Variants in DNAJC11 observed in about 807,000 individuals in gnomAD.
DNAJC11 encodes the protein dnaJ homolog subfamily C member 11.
In DNAJC11, 15 loss-of-function variants were observed where a neutral mutation model predicts 78.6. That is an observed-to-expected ratio of 0.19 (90% CI 0.13 to 0.29). The LOEUF is 0.29. Among genes scored for constraint, DNAJC11 ranks in the 10% least tolerant of loss-of-function variants. DNAJC11 has a pLI of 1.00. For synonymous variants in DNAJC11, 292 were observed against 272.1 expected (o/e 1.07, Z -0.72); for missense variants, 547 against 709.6 (o/e 0.77, Z 2.60).
At chr1:6,667,970 G>A (rs555270167) in intron 3 of DNAJC11, among the ~76,000 whole-genome samples, 160 bp from the exon 4 acceptor site, 2 of 152,330 alleles carry the variant, frequency 1.3e-5, no homozygotes, top group African/African-American at 4.8e-5. Context: ...TCCACCATCC[G>A]ATGGCTCAGG....
At chr1:6,661,258 C>A (rs962715406) in intron 4 of DNAJC11, among the ~76,000 whole-genome samples, 1 of 152,176 alleles carries the variant, frequency 6.6e-6, no homozygotes, top group Non-Finnish European at 1.5e-5. Flanking sequence ...AGAGGTGATA[C>A]GAGGCAATGT....
intron 14 of DNAJC11, among the ~76,000 whole-genome samples, chr1:6,636,633 C>T (rs895175690): frequency 1.3e-4 from 20 of 152,224 alleles, no homozygotes; most frequent in African/African-American, 4.8e-4. Flanking sequence ...TGAAGGCAGG[C>T]GTGTGTTCTG....
chr1:6,649,068 T>C (rs962846714), intron 7 of DNAJC11, among the ~76,000 whole-genome samples: 5 of 151,802 alleles, frequency 3.3e-5, no homozygotes, highest in South Asian at 2.1e-4. Context: ...TCTCAGCTCA[T>C]TGCAGCCTCA....
intron 1 of DNAJC11, among the ~76,000 whole-genome samples, chr1:6,694,284 C>T (rs540870788): frequency 7.2e-5 from 11 of 152,168 alleles, no homozygotes; most frequent in Non-Finnish European, 1.5e-4. Context: ...CAGCTAACTA[C>T]GTGCTCCAAG....
intron 3 of DNAJC11, among the ~76,000 whole-genome samples, chr1:6,675,357 AAAT>A (rs1239457042): frequency 6.6e-6 from 1 of 151,300 alleles, no homozygotes; most frequent in South Asian, 2.1e-4. Context: ...AAAAATACGA[AAAT>A]AATGTTTAAC....
intron 6 of DNAJC11, among the ~76,000 whole-genome samples, chr1:6,652,602 G>A (rs961803305): frequency 6.6e-6 from 1 of 152,106 alleles, no homozygotes; most frequent in South Asian, 2.1e-4. Flanking sequence ...ACCATGCCCA[G>A]CTAAGTTTTG....
intron 10 of DNAJC11, among the ~76,000 whole-genome samples, chr1:6,644,243 C>T (rs930994439): frequency 1.3e-5 from 2 of 152,196 alleles, no homozygotes; most frequent in Non-Finnish European, 2.9e-5. Flanking sequence ...AAGCAATTCT[C>T]CTGCCTCGGC....
Position 6,648,184 on chromosome 1 carries a change from T to C in DNAJC11, c.705-2206A>G, listed in dbSNP as rs528135753. 2.6e-5 allele frequency among the ~76,000 whole-genome samples: 4 copies of C among 152,170 alleles called. No homozygotes were observed. The South Asian group carries it at 8.3e-4, about 32-fold the overall frequency. On this transcript the variant is annotated intron_variant, in intron 7 of 15. Coordinates refer to ENST00000377577, the MANE Select transcript of DNAJC11 (RefSeq NM_018198.4). ...TTTTTCTTTTTTTTGAGACAGAGTCTCGGCTCTGTCGCCCAGGCTGGAGTG... is the reference window on the plus strand; with the variant it reads ...TTTTTCTTTTTTTTGAGACAGAGTCCCGGCTCTGTCGCCCAGGCTGGAGTG...
At chr1:6,693,926 A>C (rs1409879028) in intron 1 of DNAJC11, among the ~76,000 whole-genome samples, 2 of 135,076 alleles carry the variant, frequency 1.5e-5, no homozygotes, top group East Asian at 2.2e-4. Context: ...GGCAACCTCC[A>C]CCTCCCAGCA....
intron 7 of DNAJC11, among the ~76,000 whole-genome samples, chr1:6,650,203 C>A (rs565129265): frequency 6.6e-6 from 1 of 152,062 alleles, no homozygotes; most frequent in South Asian, 2.1e-4. Flanking sequence ...GTTGAGGGTG[C>A]AGTGAGCCAA....
chr1:6,695,295 A>G (rs1037773133), intron 1 of DNAJC11, among the ~76,000 whole-genome samples: 1 of 151,870 alleles, frequency 6.6e-6, no homozygotes, highest in African/African-American at 2.4e-5. Flanking sequence ...GCCACCCCCC[A>G]ATCCTTATGT....
intron 4 of DNAJC11, among the ~76,000 whole-genome samples, chr1:6,662,296 T>G (rs986821106): frequency 6.6e-6 from 1 of 151,928 alleles, no homozygotes; most frequent in Admixed American, 6.6e-5. Flanking sequence ...CAGGTTCAAG[T>G]GATTCTCCTG....
At chr1:6,700,418 G>A (rs1029222524) in intron 1 of DNAJC11, among the ~76,000 whole-genome samples, 4 of 152,184 alleles carry the variant, frequency 2.6e-5, no homozygotes, top group African/African-American at 7.2e-5. Flanking sequence ...GACACTCAAG[G>A]ATACAGTACC....
intron 1 of DNAJC11, among the ~76,000 whole-genome samples, chr1:6,683,240 A>G (rs1642583188): frequency 6.6e-6 from 1 of 151,990 alleles, no homozygotes. Context: ...GCTCTGGGGC[A>G]ACACAGCCTT....
chr1:6,686,850 TG>T (rs1269782348), intron 1 of DNAJC11, among the ~76,000 whole-genome samples: 1 of 152,260 alleles, frequency 6.6e-6, no homozygotes, highest in African/African-American at 2.4e-5. Flanking sequence ...CCAGGTTTTT[TG>T]TTGCTTTAGC....
intron 3 of DNAJC11, 56 bp from the exon 4 acceptor site, chr1:6,667,866 G>T: frequency 6.6e-7 from 1 of 1,509,908 alleles, no homozygotes. Flanking sequence ...TAAGGGAAAC[G>T]TACACAAAGA....
chr1:6,648,337 G>C lies in DNAJC11; in HGVS notation c.705-2359C>G, dbSNP rs575192187. Among the ~76,000 whole-genome samples, 63 of 152,264 alleles carry C rather than the reference G, an allele frequency of 4.1e-4. 1 individual carries two copies. Among genetic ancestry groups the C allele is most frequent in the Non-Finnish European group, 8.5e-4 (58 of 68,004 alleles). On this transcript the variant is annotated intron_variant, in intron 7 of 15. Transcript: ENST00000377577. ...CGCCTGGCTAATTTTTGTATTTTTAGTAGAGACAGGGTTTCACCATGTTGG... is the reference window on the plus strand; with the variant it reads ...CGCCTGGCTAATTTTTGTATTTTTACTAGAGACAGGGTTTCACCATGTTGG...
At chr1:6,649,519 C>T (rs531852825) in intron 7 of DNAJC11, among the ~76,000 whole-genome samples, 3 of 152,228 alleles carry the variant, frequency 2.0e-5, no homozygotes, top group Non-Finnish European at 4.4e-5. Context: ...CCACAGGCCA[C>T]GTCCTCCTGT....
At chr1:6,663,854 A>G (rs1232516591) in intron 4 of DNAJC11, among the ~76,000 whole-genome samples, 1 of 152,192 alleles carries the variant, frequency 6.6e-6, no homozygotes, top group African/African-American at 2.4e-5. Context: ...TCAACCCAGA[A>G]AGCGGGCCTC....
Sources: allele counts gnomAD v4.1 joint callset (sites outside exome capture counted in the v4.1 genomes callset), GRCh38; gene constraint gnomAD v4.1.1; transcripts MANE v1.5; gene names NCBI Gene and HGNC (gene_info 2026-07-23, HGNC 2026-07-21).